The following CPNE2 variants were observed in gnomAD, a reference collection of about 807,000 sequenced individuals.
The protein encoded by CPNE2 is copine 2.
Under a neutral mutation model 69.7 loss-of-function variants are expected in CPNE2, and 42 were observed. The ratio of observed to expected loss-of-function variants is 0.60; its 90% CI spans 0.47 to 0.78. The LOEUF (loss-of-function observed/expected upper bound fraction) is 0.78. Ranked by LOEUF, CPNE2 falls within the 30% of genes least tolerant of loss-of-function variation. The pLI is 0.00. For synonymous variants in CPNE2, 294 were observed against 289.8 expected (o/e 1.01, Z -0.15); for missense variants, 587 against 732.0 (o/e 0.80, Z 2.29).
chr16:57,113,286 A>G lies in CPNE2; in HGVS notation c.181-2A>G, dbSNP rs2069693353. The G allele has an allele frequency of 6.2e-7, 1 of 1,613,178 alleles. No homozygotes were observed. Among genetic ancestry groups the G allele is most frequent in the Non-Finnish European group, 8.5e-7 (1 of 1,179,430 alleles). Reference sequence around the variant, plus strand: ...ACTTCCATTTTCCTGCCCCTCTGCTAGTACGACAGGACAGAAACCGCGATC... The same window carrying G: ...ACTTCCATTTTCCTGCCCCTCTGCTGGTACGACAGGACAGAAACCGCGATC... On this transcript the variant is annotated splice_acceptor_variant, in intron 2 of 15. Transcript: ENST00000290776. LOFTEE classifies it high-confidence loss of function.
At chr16:57,135,466 C>G (rs1253047282) in intron 13 of CPNE2, among the ~76,000 whole-genome samples, 3 of 152,038 alleles carry the variant, frequency 2.0e-5, no homozygotes, top group Non-Finnish European at 2.9e-5. Context: ...CCTAGGAGTT[C>G]AAGACCAGCC....
chr16:57,102,529 T>A (rs2069621062), intron 1 of CPNE2, among the ~76,000 whole-genome samples: 1 of 152,118 alleles, frequency 6.6e-6, no homozygotes, highest in South Asian at 2.1e-4. Context: ...TGGGCTTCCC[T>A]ATGCTGTGTC....
In CPNE2 at chr16:57,130,647, G is replaced by A. The variant is rs888606514; in HGVS notation, c.1116+2744G>A. 6.6e-6 allele frequency among the ~76,000 whole-genome samples: 1 copy of A among 152,122 alleles called. No individual in the cohort carries two copies. Among genetic ancestry groups the A allele is most frequent in the Non-Finnish European group, 1.5e-5 (1 of 68,034 alleles). ...GGAAGCCAAGCAGTCAGGGCTCGGG[G>A]AGGAGGGAGTGGGGTTGGAGGCTGC... On this transcript the variant is annotated intron_variant, in intron 12 of 15. Transcript: ENST00000290776. This position sits in a 1 kb window ranked among gnomAD's most constrained non-coding sequence, Gnocchi z 4.1.
At chr16:57,145,342 A>G (rs575480882) in intron 14 of CPNE2, among the ~76,000 whole-genome samples, 126 of 152,354 alleles carry the variant, frequency 8.3e-4, no homozygotes, top group African/African-American at 3.0e-3. Context: ...TCCTGGGTGC[A>G]GTTCATAGAA....
At chr16:57,127,727 G>T (rs2069810572) in intron 11 of CPNE2, 122 bp from the exon 12 acceptor site, 3 of 937,718 alleles carry the variant, frequency 3.2e-6, no homozygotes, top group Admixed American at 2.1e-5. Flanking sequence ...TTTTCTAGAG[G>T]TGGTGAGCTC....
At chr16:57,106,615 G>C (rs2069650412) in intron 1 of CPNE2, among the ~76,000 whole-genome samples, 1 of 145,892 alleles carries the variant, frequency 6.9e-6, no homozygotes, top group Admixed American at 6.8e-5. Context: ...AGGATGAGAA[G>C]AGAAGTGTCT....
chr16:57,094,898 A>C (rs1176678624), intron 1 of CPNE2, among the ~76,000 whole-genome samples: 10 of 152,216 alleles, frequency 6.6e-5, no homozygotes, highest in African/African-American at 2.4e-4. Flanking sequence ...AGGAGTGAAC[A>C]GAAAACAAAA....
At position 57,117,486 on chromosome 16, in the gene CPNE2, G is replaced by C; in HGVS notation, c.436-10G>C. On this transcript the variant is annotated splice_polypyrimidine_tract_variant and intron_variant, in intron 4 of 15. Coordinates refer to ENST00000290776, the MANE Select transcript of CPNE2 (RefSeq NM_152727.6). ...GAGTCTGAGGAGCCCCTCATGTCCC[G>C]GCCTTACAGATCGCTGCCCAGGAGC... 5.0e-6 allele frequency: 8 copies of C among 1,612,360 alleles called. No individual in the cohort carries two copies. The highest frequency in any genetic ancestry group is 6.8e-6 in the Non-Finnish European group (8 of 1,179,314).
chr16:57,100,836 C>T (rs1031233767), intron 1 of CPNE2, among the ~76,000 whole-genome samples: 9 of 152,214 alleles, frequency 5.9e-5, no homozygotes, highest in African/African-American at 1.9e-4. Flanking sequence ...GCTCTCTGAG[C>T]TCCCACACTT....
At chr16:57,098,284 CCT>C (rs1235800969) in intron 1 of CPNE2, among the ~76,000 whole-genome samples, 1 of 152,248 alleles carries the variant, frequency 6.6e-6, no homozygotes, top group African/African-American at 2.4e-5. Context: ...CCCGTAATGG[CCT>C]GGCTGCCTGT....
Position 57,119,416 on chromosome 16 carries a change from C to T in CPNE2, c.591+138C>T. ...CAGTGGCACCTGAGGGATATGCTTC[C>T]TCCCAGCCACAGGGACGCTCACTTC... is the stretch of plus-strand genomic sequence containing the variant. On this transcript the variant is annotated intron_variant, in intron 6 of 15. Transcript: ENST00000290776. 7.2e-6 allele frequency: 8 copies of T among 1,118,854 alleles called. No individual in the cohort carries two copies. The East Asian group carries it at 9.6e-5, about 13-fold the overall frequency. The allele number at this position is 1,118,854 out of a possible 1,614,324, so 69.3% of individuals were successfully genotyped here.
chr16:57,134,633 G>A, intron 12 of CPNE2, 142 bp from the exon 13 acceptor site: 1 of 799,238 alleles, frequency 1.3e-6, no homozygotes, highest in Non-Finnish European at 2.1e-6. Flanking sequence ...AGATGTGGGG[G>A]GTATCAGTGG....
chr16:57,103,459 CTT>C (rs1225180171), intron 1 of CPNE2, among the ~76,000 whole-genome samples: 2 of 152,182 alleles, frequency 1.3e-5, no homozygotes, highest in Admixed American at 1.3e-4. Context: ...GTTGCATGTG[CTT>C]TTCTGACAGC....
intron 14 of CPNE2, chr16:57,142,826 TG>T (rs2069932313): frequency 6.6e-6 from 1 of 152,232 alleles, no homozygotes; most frequent in South Asian, 2.1e-4. Flanking sequence ...AGACTCTGCC[TG>T]GAACTGTTGT....
intron 10 of CPNE2, chr16:57,124,190 T>C: frequency 3.1e-6 from 1 of 322,696 alleles, no homozygotes; most frequent in Non-Finnish European, 6.2e-6. Flanking sequence ...CAGTTGATCC[T>C]CCCACCTCAG....
intron 4 of CPNE2, 34 bp downstream of exon 4, chr16:57,115,584 C>G: frequency 6.8e-7 from 1 of 1,477,588 alleles, no homozygotes; most frequent in East Asian, 2.3e-5. Flanking sequence ...CGCACCCCCT[C>G]CATCCCCACC....
intron 3 of CPNE2, 39 bp downstream of exon 3, chr16:57,113,506 G>C: frequency 6.3e-7 from 1 of 1,592,658 alleles, no homozygotes; most frequent in East Asian, 2.3e-5. Context: ...GGGGCCCAAA[G>C]ACCGGGCAAC....
intron 14 of CPNE2, among the ~76,000 whole-genome samples, chr16:57,138,584 G>A (rs1478906070): frequency 2.0e-5 from 3 of 151,904 alleles, no homozygotes; most frequent in South Asian, 2.1e-4. Context: ...CTGTTCCCCC[G>A]CAGGTCCTTC....
At chr16:57,114,262 T>A (rs2069701512) in intron 3 of CPNE2, among the ~76,000 whole-genome samples, 1 of 152,052 alleles carries the variant, frequency 6.6e-6, no homozygotes, top group Non-Finnish European at 1.5e-5. Context: ...TGACAAGGGA[T>A]GGGGAAACCA....
Sources: allele counts gnomAD v4.1 joint callset (sites outside exome capture counted in the v4.1 genomes callset), GRCh38; gene constraint gnomAD v4.1.1; non-coding constraint Gnocchi (gnomAD v3.1); transcripts MANE v1.5; gene names NCBI Gene and HGNC (gene_info 2026-07-23, HGNC 2026-07-21).